The following PDE1A variants were observed in gnomAD, a reference collection of about 807,000 sequenced individuals.
PDE1A encodes dual specificity calcium/calmodulin-dependent 3',5'-cyclic nucleotide phosphodiesterase 1A.
PDE1A carries 35 observed loss-of-function variants against 61.7 expected under a neutral mutation model. The ratio of observed to expected loss-of-function variants is 0.57; its 90% CI spans 0.43 to 0.75. The LOEUF (loss-of-function observed/expected upper bound fraction) is 0.75. Among genes scored for constraint, PDE1A ranks in the 30% least tolerant of loss-of-function variants. PDE1A has a pLI of 0.00. For synonymous variants in PDE1A, 232 were observed against 213.2 expected, an observed-to-expected ratio of 1.09 and a Z score of -0.77; for missense variants, 597 against 630.6, an observed-to-expected ratio of 0.95 and a Z score of 0.57.
intron 1 of PDE1A, among the ~76,000 whole-genome samples, chr2:182,375,388 A>G (rs1700343770): frequency 1.3e-5 from 2 of 152,180 alleles, no homozygotes; most frequent in Admixed American, 1.3e-4. Context: ...GCTGTTCCAA[A>G]TGGGAGAAAT....
the PDE1A span, among the ~76,000 whole-genome samples, chr2:182,626,838 C>T: frequency 3.0e-4 from 3 of 10,016 alleles, no homozygotes; most frequent in Non-Finnish European, 4.2e-4. Context: ...TATATATATA[C>T]ATATATATAC....
chr2:182,469,106 C>T (rs1352871048), intron 2 of PDE1A, among the ~76,000 whole-genome samples: 2 of 151,860 alleles, frequency 1.3e-5, no homozygotes, highest in African/African-American at 2.4e-5. Context: ...AAAGTCACCA[C>T]CTTCATCAGC....
At chr2:182,318,123 C>A (rs1429325167) in intron 1 of PDE1A, among the ~76,000 whole-genome samples, 1 of 152,070 alleles carries the variant, frequency 6.6e-6, no homozygotes, top group Admixed American at 6.6e-5. Flanking sequence ...ACATTTAAAA[C>A]CTTTCTCTAC....
At chr2:182,456,168 G>C (rs527238273) in intron 2 of PDE1A, among the ~76,000 whole-genome samples, 10 of 152,146 alleles carry the variant, frequency 6.6e-5, no homozygotes, top group African/African-American at 2.4e-4. Flanking sequence ...TATTATACTA[G>C]TTCTTTCAGA....
the PDE1A span, among the ~76,000 whole-genome samples, chr2:182,588,899 C>T: frequency 2.6e-5 from 4 of 151,716 alleles, no homozygotes; most frequent in Non-Finnish European, 5.9e-5. Context: ...AAAAATTAGC[C>T]AGGCATGATG....
chr2:182,278,490 T>C (rs1194168093), intron 1 of PDE1A, among the ~76,000 whole-genome samples: 1 of 152,048 alleles, frequency 6.6e-6, no homozygotes. Flanking sequence ...AGAAGTATCA[T>C]CAGTAAAATT....
chr2:182,668,481 G>C, the PDE1A span, among the ~76,000 whole-genome samples: 1 of 152,030 alleles, frequency 6.6e-6, no homozygotes, highest in Non-Finnish European at 1.5e-5. Flanking sequence ...AAGAGTAACT[G>C]TAAGCCACAC....
At chr2:182,709,689 G>A in the PDE1A span, among the ~76,000 whole-genome samples, 2 of 152,150 alleles carry the variant, frequency 1.3e-5, no homozygotes, top group African/African-American at 4.8e-5. Flanking sequence ...TGCTTTCTTT[G>A]TAATAACATA....
At chr2:182,701,131 T>C in the PDE1A span, among the ~76,000 whole-genome samples, 1 of 151,704 alleles carries the variant, frequency 6.6e-6, no homozygotes, top group African/African-American at 2.4e-5. Context: ...GCCTCCCAGG[T>C]TCACGCCATT....
chr2:182,325,071 A>G (rs937887684), intron 1 of PDE1A, among the ~76,000 whole-genome samples: 1 of 152,176 alleles, frequency 6.6e-6, no homozygotes, highest in African/African-American at 2.4e-5. Flanking sequence ...AACACACATC[A>G]GGGCTAAAAT....
At chr2:182,153,113 A>G (rs1211585403) in intron 13 of PDE1A, among the ~76,000 whole-genome samples, 3 of 152,332 alleles carry the variant, frequency 2.0e-5, no homozygotes, top group Non-Finnish European at 4.4e-5. Flanking sequence ...ACGGAAAATG[A>G]AAAATTTATA....
chr2:182,618,073 G>C, the PDE1A span, among the ~76,000 whole-genome samples: 1 of 152,172 alleles, frequency 6.6e-6, no homozygotes, highest in Non-Finnish European at 1.5e-5. Context: ...TGTGCTGCCT[G>C]CTTAATGTTC....
chr2:182,384,453 A>G (rs1373280920), intron 1 of PDE1A, among the ~76,000 whole-genome samples: 2 of 117,486 alleles, frequency 1.7e-5, no homozygotes, highest in East Asian at 7.1e-4. Flanking sequence ...AATTTAATAA[A>G]GAGAAAATAA....
chr2:182,315,230 CCAAT>C (rs1294059705), intron 1 of PDE1A, among the ~76,000 whole-genome samples: 1 of 152,114 alleles, frequency 6.6e-6, no homozygotes, highest in Non-Finnish European at 1.5e-5. Flanking sequence ...TGTGGTCTCT[CCAAT>C]CATTTTCATT....
the PDE1A span, among the ~76,000 whole-genome samples, chr2:182,641,134 A>T: frequency 6.6e-6 from 1 of 152,084 alleles, no homozygotes; most frequent in East Asian, 1.9e-4. Context: ...CTAGGTACAC[A>T]TTTTTATAGA....
At chr2:182,287,936 T>C (rs1309960823) in intron 1 of PDE1A, among the ~76,000 whole-genome samples, 2 of 152,146 alleles carry the variant, frequency 1.3e-5, no homozygotes, top group Admixed American at 1.3e-4. Context: ...TTTAATTTAA[T>C]GAATTGAATT....
At chr2:182,349,716 C>T (rs1698746083) in intron 1 of PDE1A, among the ~76,000 whole-genome samples, 1 of 152,090 alleles carries the variant, frequency 6.6e-6, no homozygotes, top group Admixed American at 6.5e-5. Flanking sequence ...GCCGAGATTG[C>T]ACCACTGCAC....
At chr2:182,491,506 C>T (rs751693085) in intron 2 of PDE1A, among the ~76,000 whole-genome samples, 6 of 152,046 alleles carry the variant, frequency 3.9e-5, no homozygotes, top group Admixed American at 1.3e-4. Context: ...ACAAGGACTA[C>T]GCTGGAAAAT....
At chr2:182,637,718 T>C in the PDE1A span, among the ~76,000 whole-genome samples, 278 of 152,094 alleles carry the variant, frequency 1.8e-3, no homozygotes, top group Non-Finnish European at 3.3e-3. Context: ...GACCAAGAGT[T>C]CAAGACCAGG....
Sources: allele counts gnomAD v4.1 joint callset (sites outside exome capture counted in the v4.1 genomes callset), GRCh38; gene constraint gnomAD v4.1.1; transcripts MANE v1.5; gene names NCBI Gene and HGNC (gene_info 2026-07-23, HGNC 2026-07-21).